The following LRRC37A2 variants were observed in gnomAD, a reference collection of about 807,000 sequenced individuals.
The protein encoded by LRRC37A2 is leucine-rich repeat-containing protein 37A2.
In LRRC37A2, 9 loss-of-function variants were observed where a neutral mutation model predicts 68.8. That is an observed-to-expected ratio of 0.13 (90% confidence interval 0.08 to 0.23). The LOEUF is 0.23. LRRC37A2 is among the 10% of genes least tolerant of loss of function. LRRC37A2 has a pLI of 1.00. For missense variants in LRRC37A2, 168 were observed against 950.4 expected (o/e 0.18, Z 10.82); for synonymous variants, 63 against 367.6 (o/e 0.17, Z 9.48).
At chr17:46,935,694 G>A in the LRRC37A2 span, 19 of 988,002 alleles carry the variant, frequency 1.9e-5, no homozygotes, top group African/African-American at 7.0e-5. Flanking sequence ...TCTAAAGCCC[G>A]TGCTGGTGAT....
At chr17:46,532,828 C>CA (rs1732529982) in intron 6 of LRRC37A2, among the ~76,000 whole-genome samples, 1 of 149,674 alleles carries the variant, frequency 6.7e-6, no homozygotes, top group Non-Finnish European at 1.5e-5. Flanking sequence ...TTTTGCAGTG[C>CA]AGTGGCTCAC....
At chr17:46,861,740 A>G in the LRRC37A2 span, among the ~76,000 whole-genome samples, 78 of 152,146 alleles carry the variant, frequency 5.1e-4, no homozygotes, top group African/African-American at 1.9e-3. Context: ...AAGACCAACT[A>G]CCAAGCTCTG....
chr17:46,569,029 G>A, the LRRC37A2 span, among the ~76,000 whole-genome samples: 31 of 113,558 alleles, frequency 2.7e-4, no homozygotes, highest in African/African-American at 9.5e-4. Context: ...TGCAACCTCC[G>A]CCTCCTGGGT....
chr17:46,971,182 T>G, the LRRC37A2 span, among the ~76,000 whole-genome samples: 3 of 151,860 alleles, frequency 2.0e-5, no homozygotes, highest in South Asian at 6.3e-4. Context: ...TACTAACATA[T>G]AAAAATGAGC....
At chr17:46,935,100 C>A in the LRRC37A2 span, 1 of 1,613,206 alleles carries the variant, frequency 6.2e-7, no homozygotes, top group Non-Finnish European at 8.5e-7. Flanking sequence ...TTCACAACGG[C>A]ATGGATGACC....
chr17:46,685,316 C>T, the LRRC37A2 span, among the ~76,000 whole-genome samples: 7 of 148,816 alleles, frequency 4.7e-5, no homozygotes, highest in Admixed American at 2.0e-4. Flanking sequence ...ATTTCCAGTT[C>T]GATATTAATT....
the LRRC37A2 span, among the ~76,000 whole-genome samples, chr17:46,843,680 C>G: frequency 2.0e-4 from 30 of 152,144 alleles, no homozygotes; most frequent in African/African-American, 7.0e-4. Context: ...TTCTCTGTGC[C>G]CATTTCCTCA....
the LRRC37A2 span, among the ~76,000 whole-genome samples, chr17:46,879,333 T>C: frequency 6.6e-6 from 1 of 152,120 alleles, no homozygotes; most frequent in Admixed American, 6.5e-5. Context: ...TCGGAGCTGG[T>C]AAGCACATGT....
chr17:46,873,086 TCACACACACACACACACACACACA>T, the LRRC37A2 span, among the ~76,000 whole-genome samples: 7 of 139,916 alleles, frequency 5.0e-5, no homozygotes, highest in African/African-American at 1.9e-4. Flanking sequence ...CTCTGCCTCT[TCACACACACACACACACACACACA>T]CACACACACA....
the LRRC37A2 span, chr17:46,923,537 A>G: frequency 7.5e-7 from 1 of 1,328,080 alleles, no homozygotes; most frequent in Non-Finnish European, 9.6e-7. Context: ...GCACTTGTCA[A>G]CTCGGTGCTC....
chr17:46,635,818 T>TGTGTGTGTGTGC, the LRRC37A2 span, among the ~76,000 whole-genome samples: 21 of 138,384 alleles, frequency 1.5e-4, no homozygotes, highest in East Asian at 2.3e-3. Context: ...TGTGTGTGTG[T>TGTGTGTGTGTGC]GCTCGTGTGT....
chr17:46,784,100 G>A, the LRRC37A2 span, among the ~76,000 whole-genome samples: 2 of 152,158 alleles, frequency 1.3e-5, no homozygotes, highest in Non-Finnish European at 2.9e-5. Flanking sequence ...GGGGTCTGTG[G>A]CAGGGGATGG....
At chr17:46,943,462 G>A in the LRRC37A2 span, among the ~76,000 whole-genome samples, 2 of 152,142 alleles carry the variant, frequency 1.3e-5, no homozygotes, top group Non-Finnish European at 2.9e-5. Flanking sequence ...TGCACAAGAT[G>A]TTTCCTCTCA....
chr17:46,813,771 A>G, the LRRC37A2 span, among the ~76,000 whole-genome samples: 1 of 152,004 alleles, frequency 6.6e-6, no homozygotes, highest in Non-Finnish European at 1.5e-5. Flanking sequence ...GACCAAGGAG[A>G]GACTTCTTCC....
chr17:46,749,974 C>T, the LRRC37A2 span: 1 of 1,512,312 alleles, frequency 6.6e-7, no homozygotes. Flanking sequence ...TAAGTAGTAC[C>T]ACATTATACC....
the LRRC37A2 span, chr17:46,833,036 C>A: frequency 9.7e-6 from 3 of 310,514 alleles, no homozygotes; most frequent in Admixed American, 8.9e-5. Flanking sequence ...TGGGGACTGT[C>A]CCTGCAGCGC....
chr17:46,730,869 T>C, the LRRC37A2 span, among the ~76,000 whole-genome samples: 1 of 152,158 alleles, frequency 6.6e-6, no homozygotes, highest in Non-Finnish European at 1.5e-5. Context: ...ATACCACTCA[T>C]TGCATACCTG....
At chr17:46,775,171 A>G in the LRRC37A2 span, among the ~76,000 whole-genome samples, 1 of 152,256 alleles carries the variant, frequency 6.6e-6, no homozygotes, top group East Asian at 1.9e-4. Flanking sequence ...ACTGCTTGCC[A>G]GGCACTTTAT....
the LRRC37A2 span, among the ~76,000 whole-genome samples, chr17:46,754,721 C>T: frequency 3.9e-5 from 6 of 152,290 alleles, no homozygotes; most frequent in South Asian, 2.1e-4. Flanking sequence ...ATGACACATT[C>T]GCAGTCACAG....
Sources: allele counts gnomAD v4.1 joint callset (sites outside exome capture counted in the v4.1 genomes callset), GRCh38; gene constraint gnomAD v4.1.1; transcripts MANE v1.5; gene names NCBI Gene and HGNC (gene_info 2026-07-23, HGNC 2026-07-21).